Variants in TSPEAR observed in about 807,000 individuals in gnomAD.
The protein encoded by TSPEAR is thrombospondin type laminin G domain and EAR repeats.
In TSPEAR, 69 loss-of-function variants were observed where a neutral mutation model predicts 71.6. The observed-to-expected ratio is 0.96, with a 90% CI of 0.79 to 1.18. The LOEUF is 1.18. Among genes scored for constraint, TSPEAR ranks in the 50% most tolerant of loss-of-function variants. The pLI, the probability that TSPEAR is intolerant of heterozygous loss-of-function variation, is 0.00. For missense variants in TSPEAR, 971 were observed against 894.9 expected (o/e 1.09, Z -1.09); for synonymous variants, 402 against 387.2 (o/e 1.04, Z -0.45).
chr21:44,674,235 A>G (rs73234821), intron 1 of TSPEAR, among the ~76,000 whole-genome samples: 4,513 of 149,964 alleles, frequency 0.03, 99 homozygotes, highest in Middle Eastern at 0.064. Flanking sequence ...ACAATAAAGT[A>G]TATAGCTAAA....
chr21:44,565,278 G>A (rs1157966098), intron 2 of TSPEAR, among the ~76,000 whole-genome samples: 1 of 152,102 alleles, frequency 6.6e-6, no homozygotes, highest in East Asian at 1.9e-4. Context: ...GAAGATTAAA[G>A]TGGAAATAAA....
At chr21:44,707,150 G>A (rs143573688) in intron 1 of TSPEAR, among the ~76,000 whole-genome samples, 9,368 of 152,332 alleles carry the variant, frequency 0.061, 320 homozygotes, top group Middle Eastern at 0.15. Flanking sequence ...CGATCAGGGC[G>A]CGAAGCCCAC....
rs1351316416 is a variant in TSPEAR, at chr21:44,579,971, G to A, written c.83-11966C>T. On this transcript the variant is annotated intron_variant, in intron 1 of 11. Coordinates refer to ENST00000323084, the MANE Select transcript of TSPEAR (RefSeq NM_144991.3). ...GGTGCAGCAAGCCGGCTGACAGCTA[G>A]ACTGCTGGCAGCATGAAGTGGAAGC... is the stretch of plus-strand genomic sequence containing the variant. 6 of 1,613,912 alleles carry A rather than the reference G, an allele frequency of 3.7e-6. No individual in the cohort carries two copies. In the Admixed American group the frequency reaches 8.3e-5, roughly 22 times the overall value.
chr21:44,672,708 G>A (rs752174498), intron 1 of TSPEAR, among the ~76,000 whole-genome samples: 8 of 152,132 alleles, frequency 5.3e-5, no homozygotes, highest in African/African-American at 1.4e-4. Context: ...CCCAAATCTC[G>A]TGTTGAATTG....
At chr21:44,532,927 T>C (rs899104271) in intron 3 of TSPEAR, among the ~76,000 whole-genome samples, 4 of 152,374 alleles carry the variant, frequency 2.6e-5, no homozygotes, top group African/African-American at 9.6e-5. Context: ...ACCTGCCATG[T>C]GGAGTCACGG....
intron 2 of TSPEAR, among the ~76,000 whole-genome samples, chr21:44,544,849 C>T (rs868910113): frequency 1.4e-4 from 21 of 152,074 alleles, no homozygotes; most frequent in African/African-American, 4.3e-4. Context: ...GCCCACAGGA[C>T]GTTATGCACT....
At chr21:44,584,856 T>C (rs1366399528) in intron 1 of TSPEAR, among the ~76,000 whole-genome samples, 2 of 152,254 alleles carry the variant, frequency 1.3e-5, no homozygotes, top group Admixed American at 6.5e-5. Flanking sequence ...AAGTTTCATT[T>C]TGTTATTCAG....
chr21:44,523,160 GGTCA>G (rs1477714799), intron 8 of TSPEAR, among the ~76,000 whole-genome samples: 1 of 115,748 alleles, frequency 8.6e-6, no homozygotes, highest in Non-Finnish European at 1.7e-5. Context: ...TCAGGTAGTT[GGTCA>G]GTCAGTCAGC....
At chr21:44,640,408 C>G (rs2146226792) in intron 1 of TSPEAR, among the ~76,000 whole-genome samples, 1 of 152,288 alleles carries the variant, frequency 6.6e-6, no homozygotes, top group South Asian at 2.1e-4. Flanking sequence ...TGAGGAGTGA[C>G]TGCTTATGGG....
chr21:44,684,288 C>T (rs1437293187), intron 1 of TSPEAR, among the ~76,000 whole-genome samples: 1 of 152,192 alleles, frequency 6.6e-6, no homozygotes, highest in East Asian at 1.9e-4. Flanking sequence ...CTAATCCCAG[C>T]ACTTTGAAGG....
chr21:44,562,466 A>T lies in TSPEAR; in HGVS notation c.303+5319T>A, dbSNP rs587743508. Among the ~76,000 whole-genome samples, 17 of 152,350 alleles carry T rather than the reference A, an allele frequency of 1.1e-4. No homozygotes were observed. The South Asian group carries it at 3.5e-3, about 32-fold the overall frequency. ...AAACTACCACTGACATTCTTCACAG[A>T]ATTAGTAACTTTCCAAAATTATTGA... On this transcript the variant is annotated intron_variant, in intron 2 of 11. Transcript: ENST00000323084.
intron 1 of TSPEAR, among the ~76,000 whole-genome samples, chr21:44,679,309 A>C (rs1415109772): frequency 6.6e-6 from 1 of 152,206 alleles, no homozygotes; most frequent in Non-Finnish European, 1.5e-5. Context: ...AGCTATTTTA[A>C]AAATAAAATA....
chr21:44,643,511 G>C (rs1192717991), intron 1 of TSPEAR, among the ~76,000 whole-genome samples: 2 of 152,300 alleles, frequency 1.3e-5, no homozygotes, highest in East Asian at 3.9e-4. Flanking sequence ...AAGACGTCAT[G>C]TTGTATACCT....
At chr21:44,538,207 T>C (rs2053124943) in intron 2 of TSPEAR, among the ~76,000 whole-genome samples, 1 of 152,182 alleles carries the variant, frequency 6.6e-6, no homozygotes, top group Non-Finnish European at 1.5e-5. Context: ...GAGGACTGAC[T>C]GCTCTGCACC....
intron 1 of TSPEAR, among the ~76,000 whole-genome samples, chr21:44,597,437 C>CTTT (rs56129761): frequency 8.0e-4 from 95 of 119,202 alleles, no homozygotes; most frequent in South Asian, 5.3e-3. Flanking sequence ...TCTTTCTTTT[C>CTTT]TTTTTTTTTT....
At chr21:44,647,308 C>T (rs1220623709) in intron 1 of TSPEAR, 23 of 1,613,830 alleles carry the variant, frequency 1.4e-5, no homozygotes, top group African/African-American at 4.0e-5. Context: ...CGCAAGCTCC[C>T]GCCTGGCCTG....
rs1321885049 is a variant in TSPEAR, at chr21:44,645,369, T to C, written c.82+66064A>G. Among the ~76,000 whole-genome samples the C allele has an allele frequency of 2.4e-4, 37 of 151,654 alleles. No homozygotes were observed. The South Asian group carries it at 7.3e-3, about 30-fold the overall frequency. On this transcript the variant is annotated intron_variant, in intron 1 of 11. Transcript: ENST00000323084. Reference sequence around the variant, plus strand: ...GGAGGGCCACTTAGCTTTTTTTTTTTTTTTTGAGACAGAGTCTTGCTCTGT... The same window carrying C: ...GGAGGGCCACTTAGCTTTTTTTTTTCTTTTTGAGACAGAGTCTTGCTCTGT...
chr21:44,535,513 G>A (rs1315605311), intron 2 of TSPEAR, among the ~76,000 whole-genome samples: 1 of 152,212 alleles, frequency 6.6e-6, no homozygotes, highest in Non-Finnish European at 1.5e-5. Context: ...ACAGGGGATG[G>A]TGGTCCTGTA....
At chr21:44,628,950 C>T (rs1449889543) in intron 1 of TSPEAR, among the ~76,000 whole-genome samples, 2 of 151,702 alleles carry the variant, frequency 1.3e-5, no homozygotes, top group African/African-American at 4.8e-5. Context: ...GGTGGAGGGC[C>T]GGTGGGAACA....
Sources: allele counts gnomAD v4.1 joint callset (sites outside exome capture counted in the v4.1 genomes callset), GRCh38; gene constraint gnomAD v4.1.1; transcripts MANE v1.5; gene names NCBI Gene and HGNC (gene_info 2026-07-23, HGNC 2026-07-21).